The following NME8 variants were observed in gnomAD, a reference collection of about 807,000 sequenced individuals.
The protein encoded by NME8 is protein NME8.
A neutral mutation model predicts 82.3 loss-of-function variants in NME8; 72 were observed. The observed-to-expected ratio is 0.87, with a 90% confidence interval of 0.72 to 1.06. NME8 has a LOEUF of 1.06. Among genes scored for constraint, NME8 ranks in the 50% least tolerant of loss-of-function variants. NME8 has a pLI of 0.00. For missense variants in NME8, 712 were observed against 685.4 expected (o/e 1.04, Z -0.43); for synonymous variants, 267 against 228.5 (o/e 1.17, Z -1.52).
chr7:37,860,580 C>A (rs1038848512), intron 6 of NME8, among the ~76,000 whole-genome samples: 2 of 152,160 alleles, frequency 1.3e-5, no homozygotes, highest in Non-Finnish European at 2.9e-5. Context: ...CTTCTTTATT[C>A]CACGATTAAA....
chr7:37,865,552 G>A lies in NME8; in HGVS notation c.556G>A (p.Ala186Thr). Reference protein sequence around the residue: ...KITKAGFIIEAEHKTVLTEEQ... With the variant: ...KITKAGFIIETEHKTVLTEEQ... ...TACCAAAGCTGGATTTATTATAGAAGCAGAGCATAAGACAGTGCTCACTGA... is the reference window on the plus strand; with the variant it reads ...TACCAAAGCTGGATTTATTATAGAAACAGAGCATAAGACAGTGCTCACTGA... Residue 186 changes from alanine (A) to threonine (T), a missense_variant, in exon 10 of 18, where the codon GCA becomes ACA. Ala to Thr is a moderately conservative substitution (Grantham distance 58, BLOSUM62 0). Coordinates refer to ENST00000199447, the MANE Select transcript of NME8 (RefSeq NM_016616.5). 5 of 1,612,802 alleles carry A rather than the reference G, an allele frequency of 3.1e-6. No homozygotes were observed. Among genetic ancestry groups the A allele is most frequent in the Non-Finnish European group, 4.2e-6 (5 of 1,178,882 alleles).
At chr7:37,875,927 A>C (rs1187599156) in intron 11 of NME8, among the ~76,000 whole-genome samples, 1 of 152,018 alleles carries the variant, frequency 6.6e-6, no homozygotes, top group Non-Finnish European at 1.5e-5. Flanking sequence ...TAATAAATTG[A>C]CTGGGCGCGG....
chr7:37,854,580 A>G (rs1337308872), intron 5 of NME8, among the ~76,000 whole-genome samples: 1 of 152,194 alleles, frequency 6.6e-6, no homozygotes, highest in Non-Finnish European at 1.5e-5. Flanking sequence ...AGAAGGGTCC[A>G]TGTCATAAAT....
At chr7:37,875,219 T>C (rs1022899098) in intron 11 of NME8, among the ~76,000 whole-genome samples, 2 of 152,206 alleles carry the variant, frequency 1.3e-5, no homozygotes, top group Admixed American at 6.5e-5. Context: ...GACAACTACA[T>C]GCAATATATA....
intron 2 of NME8, 99 bp from the exon 3 acceptor site, chr7:37,850,161 A>G: frequency 1.1e-6 from 1 of 916,512 alleles, no homozygotes; most frequent in South Asian, 1.3e-5. Flanking sequence ...TGTACCCACA[A>G]AAATTAAAAA....
chr7:37,850,317 A>G lies in NME8; in HGVS notation c.33+18A>G. On this transcript the variant is annotated intron_variant, in intron 3 of 17. Coordinates refer to ENST00000199447, the MANE Select transcript of NME8 (RefSeq NM_016616.5). ...AGTTACAGGTGGGTCTGACATATCA[A>G]CAATTCTTTATCTGGTGCACTAGTG... 2 of 1,614,150 alleles carry G rather than the reference A, an allele frequency of 1.2e-6. No homozygotes were observed. Among genetic ancestry groups the G allele is most frequent in the Non-Finnish European group, 1.7e-6 (2 of 1,179,952 alleles).
At chr7:37,898,737 T>C (rs897532173) in intron 17 of NME8, among the ~76,000 whole-genome samples, 2 of 152,188 alleles carry the variant, frequency 1.3e-5, no homozygotes, top group African/African-American at 4.8e-5. Context: ...TATTCCTTAA[T>C]GGGTGCAGAG....
chr7:37,879,174 A>G (rs889622376), intron 12 of NME8, among the ~76,000 whole-genome samples: 5 of 151,714 alleles, frequency 3.3e-5, no homozygotes, highest in African/African-American at 1.2e-4. Flanking sequence ...TTTGAGATGG[A>G]GTCTTGCTCT....
At chr7:37,885,849 T>C (rs573545801) in intron 14 of NME8, among the ~76,000 whole-genome samples, 83 of 152,292 alleles carry the variant, frequency 5.5e-4, no homozygotes, top group African/African-American at 1.9e-3. Context: ...GGCATGAAGC[T>C]GATGGAAACA....
intron 5 of NME8, among the ~76,000 whole-genome samples, chr7:37,852,765 T>C (rs562081179): frequency 1.3e-5 from 2 of 152,354 alleles, no homozygotes; most frequent in South Asian, 4.1e-4. Flanking sequence ...GCTTCCAACT[T>C]TTAGCAGTTA....
intron 12 of NME8, among the ~76,000 whole-genome samples, chr7:37,881,683 C>T (rs1784947607): frequency 6.6e-6 from 1 of 152,076 alleles, no homozygotes; most frequent in Non-Finnish European, 1.5e-5. Context: ...AAAGTGTTCC[C>T]TCTGCTTCTA....
At chr7:37,853,777 A>T (rs1280060546) in intron 5 of NME8, among the ~76,000 whole-genome samples, 1 of 152,076 alleles carries the variant, frequency 6.6e-6, no homozygotes, top group Non-Finnish European at 1.5e-5. Flanking sequence ...GTATGAGGTT[A>T]TTTCCTATTA....
At chr7:37,872,950 A>G (rs2131956604) in intron 11 of NME8, among the ~76,000 whole-genome samples, 1 of 152,348 alleles carries the variant, frequency 6.6e-6, no homozygotes, top group Non-Finnish European at 1.5e-5. Context: ...CAGACAGAGT[A>G]AGCACTTGTA....
chr7:37,857,394 TTAAG>T (rs1784527167), intron 6 of NME8, 49 bp downstream of exon 6: 1 of 1,240,998 alleles, frequency 8.1e-7, no homozygotes, highest in Non-Finnish European at 1.2e-6. Context: ...CAGTTTGCAG[TTAAG>T]AACAAGTAAC....
intron 10 of NME8, among the ~76,000 whole-genome samples, chr7:37,866,535 G>A (rs907749949): frequency 6.6e-6 from 1 of 152,190 alleles, no homozygotes; most frequent in Non-Finnish European, 1.5e-5. Flanking sequence ...CCAGAAATAT[G>A]TGTTTTAACA....
At chr7:37,872,681 A>G (rs766413026) in intron 11 of NME8, among the ~76,000 whole-genome samples, 1 of 152,192 alleles carries the variant, frequency 6.6e-6, no homozygotes, top group Admixed American at 6.5e-5. Flanking sequence ...AAAAAATTAG[A>G]CAGGATGAGA....
chr7:37,888,185 G>GTCAAGATCTGGAA, intron 14 of NME8, 92 bp from the exon 15 acceptor site: 1 of 1,306,618 alleles, frequency 7.7e-7, no homozygotes, highest in African/African-American at 1.4e-5. Flanking sequence ...ATTATTTGCT[G>GTCAAGATCTGGAA]TTATTTGATA....
At chr7:37,884,043 C>T (rs1025266575) in intron 12 of NME8, among the ~76,000 whole-genome samples, 1 of 151,602 alleles carries the variant, frequency 6.6e-6, no homozygotes, top group African/African-American at 2.4e-5. Flanking sequence ...TAATGAGATA[C>T]CTGTGTGTGT....
intron 14 of NME8, among the ~76,000 whole-genome samples, chr7:37,885,743 C>A (rs1272014372): frequency 6.6e-6 from 1 of 152,128 alleles, no homozygotes; most frequent in Non-Finnish European, 1.5e-5. Flanking sequence ...TATTACCTGG[C>A]ACATAGGGGG....
Sources: gnomAD v4.1 joint callset for allele counts (sites outside exome capture counted in the v4.1 genomes callset) on GRCh38, gnomAD v4.1.1 for gene constraint, MANE v1.5 for transcripts, NCBI Gene and HGNC (gene_info 2026-07-23, HGNC 2026-07-21) for gene names.